Variants in OR9G4 observed in about 807,000 individuals in gnomAD.
OR9G4 encodes the protein olfactory receptor family 9 subfamily G member 4, also known as olfactory receptor 9G4.
A neutral mutation model predicts 16.7 loss-of-function variants in OR9G4; 19 were observed. The ratio of observed to expected loss-of-function variants is 1.14; its 90% confidence interval spans 0.79 to 1.67. The LOEUF (loss-of-function observed/expected upper bound fraction) is 1.67, where lower values mean the gene tolerates loss of function less well. Among genes scored for constraint, OR9G4 ranks in the 40% most tolerant of loss-of-function variants. OR9G4 has a pLI of 0.00. For missense variants in OR9G4, 428 were observed against 370.4 expected (o/e 1.16, Z -1.28); for synonymous variants, 182 against 146.2 (o/e 1.24, Z -1.76).
intron 1 of OR9G4, chr11:56,744,057 G>C: frequency 4.6e-6 from 2 of 436,686 alleles, no homozygotes. Context: ...AACTCACAAG[G>C]ATAACTAATT....
At chr11:56,743,952 G>T in intron 1 of OR9G4, 164 bp from the exon 2 acceptor site, 4 of 715,916 alleles carry the variant, frequency 5.6e-6, no homozygotes, top group African/African-American at 1.8e-5. Flanking sequence ...TACTGGAATT[G>T]GAGTCAAAAA....
rs748537113 is a variant in OR9G4, at chr11:56,743,806, A to C, written c.-22-18T>G. On this transcript the variant is annotated intron_variant, in intron 1 of 1. Transcript: ENST00000641668. The stretch of plus-strand genomic sequence containing the variant: ...AAGCCTGACTATCATGAGAAGGGAA[A>C]ATCATCACTTAGTGTTTTTTCTATT... 5.0e-6 allele frequency: 8 copies of C among 1,607,494 alleles called. No individual in the cohort carries two copies. Among genetic ancestry groups the C allele is most frequent in the African/African-American group, 2.7e-5 (2 of 74,614 alleles).
In OR9G4 at chr11:56,743,577, C is replaced by G; in HGVS notation, c.190G>C (p.Gly64Arg). Residue 64 changes from glycine to arginine, a missense_variant, in exon 2 of 2, where the codon GGC becomes CGC. Gly to Arg is a moderately radical substitution (Grantham distance 125). Coordinates refer to ENST00000641668, the MANE Select transcript of OR9G4 (RefSeq NM_001005284.2). Reference sequence around the variant, plus strand: ...CAGAAATCCAAAAAAGACAGATTGCCAATGAAAAAGTACATAGGTGTATGC... The same window carrying G: ...CAGAAATCCAAAAAAGACAGATTGCGAATGAAAAAGTACATAGGTGTATGC... ...HLHTPMYFFI[G>R]NLSFLDFWYT... The G allele has an allele frequency of 3.1e-6, 5 of 1,613,974 alleles. No homozygotes were observed. Among genetic ancestry groups the G allele is most frequent in the Non-Finnish European group, 4.2e-6 (5 of 1,179,974 alleles).
Position 56,742,788 on chromosome 11 carries a change from C to A in OR9G4, c.*40G>T. The A allele has an allele frequency of 6.4e-7, 1 of 1,564,066 alleles. No homozygotes were observed. The highest frequency in any genetic ancestry group is 1.2e-5 in the South Asian group (1 of 83,850). On this transcript the variant is annotated 3_prime_UTR_variant, in exon 2 of 2. Coordinates refer to ENST00000641668, the MANE Select transcript of OR9G4 (RefSeq NM_001005284.2). The stretch of plus-strand genomic sequence containing the variant: ...ATGAACACATTTATAAGCCAATAAT[C>A]TGGAAAATTCAATAACAGCATTTGC...
At chr11:56,746,019 C>T (rs949512676) in intron 1 of OR9G4, among the ~76,000 whole-genome samples, 22 of 151,722 alleles carry the variant, frequency 1.5e-4, no homozygotes, top group African/African-American at 5.3e-4. Context: ...ATGGGCCGGG[C>T]GCGGTGGCTC....
In OR9G4 at chr11:56,746,063, G is replaced by A. The variant is rs187966845; in HGVS notation, c.-22-2275C>T. On this transcript the variant is annotated intron_variant, in intron 1 of 1. Coordinates refer to ENST00000641668, the MANE Select transcript of OR9G4 (RefSeq NM_001005284.2). ...AATCCCAGCACTTTGGGAGGCCGAG[G>A]CGGGCGGATCACAAGGTCAGGAGAT... Among the ~76,000 whole-genome samples the A allele has an allele frequency of 1.4e-3, 219 of 152,044 alleles. 3 individuals carry two copies. The East Asian group carries it at 0.036, about 25-fold the overall frequency.
Position 56,742,289 on chromosome 11 carries a change from T to C in OR9G4, c.*539A>G, listed in dbSNP as rs72921679. 4,186 of 153,504 alleles carry C rather than the reference T, an allele frequency of 0.027. 90 individuals are homozygous for C. Among genetic ancestry groups the C allele is most frequent in the Non-Finnish European group, 0.045 (3,074 of 68,932 alleles). 9.5% of individuals were successfully genotyped at this position (153,504 alleles called of 1,614,324 possible). On this transcript the variant is annotated 3_prime_UTR_variant, in exon 2 of 2. Coordinates refer to ENST00000641668, the MANE Select transcript of OR9G4 (RefSeq NM_001005284.2). ...CATTGTTGTTTGTAATCTGAACAAC[T>C]CTTAAACATCTTCCTAATATTCTCT...
rs1456876748 is a variant in OR9G4, at chr11:56,742,733, A to G, written c.*95T>C. Reference sequence around the variant, plus strand: ...TATTTTAATGTTTTAAATATGACTTATTGAACTTAATTGAACTACAGAAAT... The same window carrying G: ...TATTTTAATGTTTTAAATATGACTTGTTGAACTTAATTGAACTACAGAAAT... On this transcript the variant is annotated 3_prime_UTR_variant, in exon 2 of 2. Coordinates refer to ENST00000641668, the MANE Select transcript of OR9G4 (RefSeq NM_001005284.2). The G allele has an allele frequency of 3.8e-6, 4 of 1,049,368 alleles. No homozygotes were observed. The highest frequency in any genetic ancestry group is 2.2e-5 in the Admixed American group (1 of 44,506). The allele number at this position is 1,049,368 out of a possible 1,614,324, so 65.0% of individuals were successfully genotyped here. A position where few individuals can be genotyped will look rare whatever the true frequency, so the allele number is the denominator to read the frequency against.
At chr11:56,747,987 T>A (rs1355570442) in intron 1 of OR9G4, among the ~76,000 whole-genome samples, 3 of 152,212 alleles carry the variant, frequency 2.0e-5, no homozygotes, top group African/African-American at 7.2e-5. Flanking sequence ...ACAGTCTATT[T>A]CTAACCTGGT....
In OR9G4 at chr11:56,745,197, G is replaced by A. The variant is rs559284500; in HGVS notation, c.-22-1409C>T. On this transcript the variant is annotated intron_variant, in intron 1 of 1. Transcript: ENST00000641668. Reference sequence around the variant, plus strand: ...TGCAAAACATAAATAAATAGACTAAGTTTATACAAATAAGCAATTTCAGCC... The same window carrying A: ...TGCAAAACATAAATAAATAGACTAAATTTATACAAATAAGCAATTTCAGCC... 2.0e-5 allele frequency among the ~76,000 whole-genome samples: 3 copies of A among 152,220 alleles called. No individual in the cohort carries two copies. The South Asian group carries it at 6.2e-4, about 32-fold the overall frequency.
chr11:56,744,842 T>C (rs1565065571), intron 1 of OR9G4, among the ~76,000 whole-genome samples: 1 of 152,188 alleles, frequency 6.6e-6, no homozygotes, highest in African/African-American at 2.4e-5. Context: ...GGTGGGGCCC[T>C]TCTATATGAT....
intron 1 of OR9G4, among the ~76,000 whole-genome samples, chr11:56,748,189 T>C (rs1858450106): frequency 6.6e-6 from 1 of 152,194 alleles, no homozygotes; most frequent in South Asian, 2.1e-4. Flanking sequence ...CTAAAGAATC[T>C]TCTATAGAAA....
rs199908718 is a variant in OR9G4, at chr11:56,743,403, G to A, written c.364C>T (p.Arg122Cys). 9.5e-5 allele frequency: 154 copies of A among 1,614,056 alleles called. No homozygotes were observed. The African/African-American group carries it at 1.2e-3, about 13-fold the overall frequency. ...AATGGGTTACAAATTGCTGCATGGC[G>A]GTCATATGCCATGGCTGCCAGGAGA... is the stretch of plus-strand genomic sequence containing the variant. ...CYLLAAMAYD[R>C]HAAICNPLLY... The change falls in exon 2 of 2, where the codon CGC becomes TGC. Residue 122 changes from arginine (R) to cysteine (C), a missense_variant. By Grantham distance (180) the Arg-to-Cys change is radical (BLOSUM62 -3). Coordinates refer to ENST00000641668, the MANE Select transcript of OR9G4 (RefSeq NM_001005284.2).
At chr11:56,745,476 A>G (rs1590608660) in intron 1 of OR9G4, among the ~76,000 whole-genome samples, 1 of 152,208 alleles carries the variant, frequency 6.6e-6, no homozygotes, top group Admixed American at 6.5e-5. Context: ...ATTTGCTAAA[A>G]TCTCTTATAG....
chr11:56,748,121 T>C (rs1858449220), intron 1 of OR9G4, among the ~76,000 whole-genome samples: 1 of 152,190 alleles, frequency 6.6e-6, no homozygotes, highest in East Asian at 1.9e-4. Context: ...TTGAAACAAG[T>C]TACCAAGTAT....
At chr11:56,747,826 C>T (rs1226592963) in intron 1 of OR9G4, among the ~76,000 whole-genome samples, 2 of 152,106 alleles carry the variant, frequency 1.3e-5, no homozygotes, top group African/African-American at 4.8e-5. Context: ...AGACACCCAC[C>T]ACCATGCCTG....
At chr11:56,743,993 A>G (rs1410871379) in intron 1 of OR9G4, 7 of 593,902 alleles carry the variant, frequency 1.2e-5, no homozygotes, top group African/African-American at 3.7e-5. Context: ...TTATTTATTA[A>G]CTATTTAATG....
Position 56,743,791 on chromosome 11 carries a change from A to G in OR9G4, c.-22-3T>C, listed in dbSNP as rs376345468. On this transcript the variant is annotated splice_region_variant and splice_polypyrimidine_tract_variant and intron_variant, in intron 1 of 1. Transcript: ENST00000641668. ...TGTCCACGGAGGTGAAAGCCTGACT[A>G]TCATGAGAAGGGAAAATCATCACTT... The G allele has an allele frequency of 1.2e-6, 2 of 1,611,600 alleles. No homozygotes were observed. Among genetic ancestry groups the G allele is most frequent in the African/African-American group, 2.7e-5 (2 of 74,948 alleles).
chr11:56,741,934 A>G lies in OR9G4; in HGVS notation c.*894T>C, dbSNP rs182636341. On this transcript the variant is annotated 3_prime_UTR_variant, in exon 2 of 2. Coordinates refer to ENST00000641668, the MANE Select transcript of OR9G4 (RefSeq NM_001005284.2). ...AAGGCTAGTTTCCATGTGGTTAGCA[A>G]CATGTTTGATTTTTCAGGGTTTCAG... The G allele has an allele frequency of 8.9e-4, 136 of 152,398 alleles. No homozygotes were observed. The highest frequency in any genetic ancestry group is 3.2e-3 in the African/African-American group (131 of 41,580). The allele number at this position is 152,398 out of a possible 1,614,324, so 9.4% of individuals were successfully genotyped here.
Sources: gnomAD v4.1 joint callset for allele counts (sites outside exome capture counted in the v4.1 genomes callset) on GRCh38, gnomAD v4.1.1 for gene constraint, MANE v1.5 for transcripts, NCBI Gene and HGNC (gene_info 2026-07-23, HGNC 2026-07-21) for gene names.